NBAS: variants seen among roughly 807,000 people sequenced by gnomAD.
NBAS encodes the protein NBAS subunit of NRZ tethering complex.
In NBAS, 219 loss-of-function variants were observed where a neutral mutation model predicts 302.5. That is an observed-to-expected ratio of 0.72 (90% confidence interval 0.65 to 0.81). The LOEUF (loss-of-function observed/expected upper bound fraction) is 0.81. NBAS is among the 30% of genes least tolerant of loss of function. The pLI, the probability that NBAS is intolerant of heterozygous loss-of-function variation, is 0.00. For synonymous variants in NBAS, 1,118 were observed against 1,021.6 expected, an observed-to-expected ratio of 1.09 and a Z score of -1.80; for missense variants, 2,932 against 2,841.6, an observed-to-expected ratio of 1.03 and a Z score of -0.72.
At position 15,254,973 on chromosome 2, in the gene NBAS, C is replaced by T. The variant is rs186210410; in HGVS notation, c.5725-16287G>A. On this transcript the variant is annotated intron_variant, in intron 44 of 51. Coordinates refer to ENST00000281513, the MANE Select transcript of NBAS (RefSeq NM_015909.4). ...CTTTATCCACTTGTTGGCTGATGGGCATTTTAGGCTGGTTCCATACTTTTG... is the reference window on the plus strand; with the variant it reads ...CTTTATCCACTTGTTGGCTGATGGGTATTTTAGGCTGGTTCCATACTTTTG... Among the ~76,000 whole-genome samples the T allele has an allele frequency of 6.6e-5, 10 of 152,194 alleles. No homozygotes were observed. In the East Asian group the frequency reaches 1.9e-3, roughly 29 times the overall value.
the NBAS span, among the ~76,000 whole-genome samples, chr2:15,119,215 A>G: frequency 2.6e-5 from 4 of 151,966 alleles, no homozygotes; most frequent in East Asian, 1.9e-4. Context: ...GGGATCTGCT[A>G]TGTGCCAGAG....
At chr2:15,042,225 G>T in the NBAS span, among the ~76,000 whole-genome samples, 1 of 152,304 alleles carries the variant, frequency 6.6e-6, no homozygotes, top group South Asian at 2.1e-4. Flanking sequence ...CTGTAAGTGC[G>T]TAATTGCCAT....
At chr2:14,785,976 T>C in the NBAS span, among the ~76,000 whole-genome samples, 5 of 152,208 alleles carry the variant, frequency 3.3e-5, no homozygotes, top group Non-Finnish European at 2.9e-5. Context: ...TGGTAAGCTA[T>C]TGATTATTGC....
At chr2:15,301,679 A>G (rs181202347) in intron 40 of NBAS, among the ~76,000 whole-genome samples, 130 of 152,374 alleles carry the variant, frequency 8.5e-4, no homozygotes, top group African/African-American at 3.0e-3. Context: ...ATTTACGTTC[A>G]AAACAATAGA....
chr2:15,361,116 C>T (rs1368571965), intron 32 of NBAS, among the ~76,000 whole-genome samples: 3 of 152,130 alleles, frequency 2.0e-5, no homozygotes, highest in Admixed American at 6.5e-5. Flanking sequence ...TAGGAATTTT[C>T]AGCTCTATTT....
chr2:14,932,486 T>C, the NBAS span, among the ~76,000 whole-genome samples: 4 of 152,228 alleles, frequency 2.6e-5, no homozygotes, highest in Non-Finnish European at 5.9e-5. Flanking sequence ...AAGCCAGTTA[T>C]TCAAAGCCCA....
chr2:14,815,921 A>T, the NBAS span, among the ~76,000 whole-genome samples: 1 of 152,168 alleles, frequency 6.6e-6, no homozygotes, highest in Non-Finnish European at 1.5e-5. Flanking sequence ...CTCCTCACAC[A>T]TTGGTAATTA....
the NBAS span, among the ~76,000 whole-genome samples, chr2:14,799,856 GATA>G: frequency 6.6e-6 from 1 of 152,128 alleles, no homozygotes; most frequent in East Asian, 1.9e-4. Flanking sequence ...TAGTTTGTCT[GATA>G]ATAATATAGT....
chr2:15,420,716 A>G (rs112273682), intron 23 of NBAS, among the ~76,000 whole-genome samples: 4 of 152,348 alleles, frequency 2.6e-5, no homozygotes, highest in African/African-American at 9.6e-5. Context: ...AAAAGCTGGA[A>G]GGAGCACATG....
At chr2:15,192,753 T>C (rs969855) in intron 48 of NBAS, among the ~76,000 whole-genome samples, 45,893 of 152,066 alleles carry the variant, frequency 0.3, 7,454 homozygotes, top group African/African-American at 0.43. Context: ...CTAAAATCCA[T>C]TGTAAGAAGT....
At chr2:15,138,497 C>G in the NBAS span, among the ~76,000 whole-genome samples, 2 of 152,118 alleles carry the variant, frequency 1.3e-5, no homozygotes, top group Non-Finnish European at 2.9e-5. Flanking sequence ...AGGACCTGAG[C>G]TCCGTGCTGT....
intron 48 of NBAS, among the ~76,000 whole-genome samples, chr2:15,204,662 T>G (rs372982026): frequency 6.6e-6 from 1 of 152,164 alleles, no homozygotes; most frequent in African/African-American, 2.4e-5. Context: ...ATATACACCA[T>G]GGAATACTAT....
the NBAS span, among the ~76,000 whole-genome samples, chr2:14,811,917 G>C: frequency 6.6e-6 from 1 of 152,170 alleles, no homozygotes; most frequent in African/African-American, 2.4e-5. Flanking sequence ...CTGAAGAAAC[G>C]ATTATCAAGA....
At chr2:15,274,132 C>T (rs1669460328) in intron 44 of NBAS, among the ~76,000 whole-genome samples, 1 of 150,326 alleles carries the variant, frequency 6.7e-6, no homozygotes, top group Non-Finnish European at 1.5e-5. Context: ...AACATGATTA[C>T]TCCTTTTTAT....
the NBAS span, among the ~76,000 whole-genome samples, chr2:15,021,177 G>A: frequency 3.3e-5 from 5 of 152,130 alleles, no homozygotes; most frequent in Non-Finnish European, 7.3e-5. Flanking sequence ...AAGTTGCAGT[G>A]AGCCGAGTTC....
chr2:15,136,320 A>G, the NBAS span, among the ~76,000 whole-genome samples: 7 of 152,144 alleles, frequency 4.6e-5, no homozygotes, highest in African/African-American at 1.7e-4. Context: ...CAGAGCCTAT[A>G]TTGTCCTTAT....
At chr2:15,295,924 GAGGTACCAAAAAAAAAAAA>G (rs1328002867) in intron 40 of NBAS, among the ~76,000 whole-genome samples, 2 of 149,810 alleles carry the variant, frequency 1.3e-5, no homozygotes, top group African/African-American at 4.9e-5. Context: ...AGTTTGTTAT[GAGGTACCAAAAAAAAAAAA>G]AGGTATTTTA....
the NBAS span, among the ~76,000 whole-genome samples, chr2:14,988,934 T>C: frequency 6.6e-6 from 1 of 152,188 alleles, no homozygotes; most frequent in Non-Finnish European, 1.5e-5. Context: ...CTCAGTTCTA[T>C]GAGTTTATTT....
intron 26 of NBAS, 32 bp from the exon 27 acceptor site, chr2:15,396,507 C>T (rs763904501): frequency 2.0e-6 from 3 of 1,477,402 alleles, no homozygotes; most frequent in East Asian, 2.3e-5. Flanking sequence ...AAAAAAAGCC[C>T]TTAAGTTTAG....
Sources: allele counts gnomAD v4.1 joint callset (sites outside exome capture counted in the v4.1 genomes callset), GRCh38; gene constraint gnomAD v4.1.1; transcripts MANE v1.5; gene names NCBI Gene and HGNC (gene_info 2026-07-23, HGNC 2026-07-21).